ZCWPW2: variants seen among roughly 807,000 people sequenced by gnomAD.
The protein encoded by ZCWPW2 is zinc finger CW-type and PWWP domain containing 2.
ZCWPW2 carries 45 observed loss-of-function variants against 46.6 expected under a neutral mutation model. The observed-to-expected ratio is 0.96, with a 90% CI of 0.76 to 1.24. The LOEUF (loss-of-function observed/expected upper bound fraction) is 1.24, where lower values mean the gene tolerates loss of function less well. Ranked by LOEUF, ZCWPW2 falls within the 50% of genes most tolerant of loss-of-function variation. ZCWPW2 has a pLI of 0.00. For synonymous variants in ZCWPW2, 152 were observed against 137.1 expected, an observed-to-expected ratio of 1.11 and a Z score of -0.76; for missense variants, 429 against 403.9, an observed-to-expected ratio of 1.06 and a Z score of -0.53.
chr3:28,375,758 A>C (rs1459096692), intron 1 of ZCWPW2, among the ~76,000 whole-genome samples: 2 of 146,348 alleles, frequency 1.4e-5, no homozygotes, highest in Non-Finnish European at 3.0e-5. Context: ...TTTTGTGCTC[A>C]TTAACTGTCC....
At chr3:28,373,659 A>G (rs1175889385) in intron 1 of ZCWPW2, among the ~76,000 whole-genome samples, 1 of 151,990 alleles carries the variant, frequency 6.6e-6, no homozygotes, top group Non-Finnish European at 1.5e-5. Context: ...TATTTTTGGT[A>G]GAGATGGGGT....
intron 5 of ZCWPW2, among the ~76,000 whole-genome samples, chr3:28,485,845 CCTTTTT>C (rs1699581967): frequency 6.6e-6 from 1 of 151,820 alleles, no homozygotes; most frequent in Non-Finnish European, 1.5e-5. Context: ...TATTTATTGC[CCTTTTT>C]CTTTGTTACT....
At chr3:28,387,908 T>A (rs1559483448) in intron 1 of ZCWPW2, among the ~76,000 whole-genome samples, 1 of 152,160 alleles carries the variant, frequency 6.6e-6, no homozygotes, top group Non-Finnish European at 1.5e-5. Context: ...CTTACCTTCT[T>A]CATTAGTCAG....
In ZCWPW2 at chr3:28,364,400, A is replaced by G. The variant is rs376240216; in HGVS notation, c.-134+15197A>G. 2.7e-3 allele frequency among the ~76,000 whole-genome samples: 405 copies of G among 152,200 alleles called. 2 individuals are homozygous for G. The highest frequency in any genetic ancestry group is 9.2e-3 in the African/African-American group (383 of 41,556). The stretch of plus-strand genomic sequence containing the variant: ...TGCCCATTCCATATTTTTACATTGC[A>G]AATTGTGCTGCTATAAACATACGTG... On this transcript the variant is annotated intron_variant, in intron 1 of 9. Coordinates refer to ENST00000383768, the MANE Select transcript of ZCWPW2 (RefSeq NM_001040432.4).
At chr3:28,517,074 T>G (rs1700593199) in intron 8 of ZCWPW2, among the ~76,000 whole-genome samples, 1 of 152,220 alleles carries the variant, frequency 6.6e-6, no homozygotes, top group African/African-American at 2.4e-5. Context: ...TTTTAGACTC[T>G]AACACCTTTC....
chr3:28,514,998 C>G (rs766274059), intron 7 of ZCWPW2, among the ~76,000 whole-genome samples: 2 of 152,244 alleles, frequency 1.3e-5, no homozygotes, highest in Non-Finnish European at 2.9e-5. Flanking sequence ...GTAACCCTAT[C>G]AAATTGTTAG....
intron 4 of ZCWPW2, among the ~76,000 whole-genome samples, chr3:28,446,278 A>G (rs1263886108): frequency 6.6e-6 from 1 of 152,160 alleles, no homozygotes; most frequent in Non-Finnish European, 1.5e-5. Flanking sequence ...GATGGACTAC[A>G]AATTATGTCT....
intron 9 of ZCWPW2, among the ~76,000 whole-genome samples, chr3:28,521,928 T>C (rs1370283009): frequency 6.6e-6 from 1 of 152,202 alleles, no homozygotes; most frequent in Non-Finnish European, 1.5e-5. Context: ...TAATCCTGTG[T>C]CCCAATCCTG....
At chr3:28,500,691 T>C (rs1054688217) in intron 6 of ZCWPW2, among the ~76,000 whole-genome samples, 12 of 152,306 alleles carry the variant, frequency 7.9e-5, no homozygotes, top group Admixed American at 3.3e-4. Context: ...GTTGCTTACA[T>C]TTTATGACTA....
At chr3:28,403,584 C>A (rs1443474383) in intron 2 of ZCWPW2, among the ~76,000 whole-genome samples, 1 of 151,964 alleles carries the variant, frequency 6.6e-6, no homozygotes, top group Non-Finnish European at 1.5e-5. Context: ...CCCACATAGC[C>A]AAAGCAAGAC....
At chr3:28,412,908 C>T (rs1198168272) in intron 2 of ZCWPW2, 148 bp from the exon 3 acceptor site, 9 of 542,380 alleles carry the variant, frequency 1.7e-5, no homozygotes, top group East Asian at 1.5e-4. Context: ...GTGGAAACAA[C>T]GTGTTCAACA....
intron 2 of ZCWPW2, among the ~76,000 whole-genome samples, chr3:28,403,784 A>G (rs562264206): frequency 6.6e-6 from 1 of 152,234 alleles, no homozygotes; most frequent in Non-Finnish European, 1.5e-5. Context: ...AAAAAAACAT[A>G]AAGTGAGGAA....
chr3:28,507,197 C>T (rs918691380), intron 6 of ZCWPW2, among the ~76,000 whole-genome samples: 1 of 152,154 alleles, frequency 6.6e-6, no homozygotes, highest in Non-Finnish European at 1.5e-5. Context: ...TTGGTAAATA[C>T]TGACTTGTTC....
intron 6 of ZCWPW2, among the ~76,000 whole-genome samples, chr3:28,507,983 T>C (rs1268556525): frequency 1.3e-5 from 2 of 152,124 alleles, no homozygotes; most frequent in African/African-American, 4.8e-5. Context: ...AAAGGAATAC[T>C]GGGTAATTAA....
At chr3:28,456,352 G>C (rs1412120462) in intron 4 of ZCWPW2, among the ~76,000 whole-genome samples, 1 of 152,168 alleles carries the variant, frequency 6.6e-6, no homozygotes, top group East Asian at 1.9e-4. Flanking sequence ...TGTTGAAGTT[G>C]CTTATCAGCT....
intron 4 of ZCWPW2, chr3:28,461,728 C>T (rs1032667758): frequency 4.6e-5 from 7 of 151,510 alleles, no homozygotes; most frequent in Non-Finnish European, 7.4e-5. Context: ...AAATTGAATG[C>T]CCTCATAAAA....
chr3:28,430,614 G>C (rs772156113), intron 3 of ZCWPW2, among the ~76,000 whole-genome samples: 25 of 152,124 alleles, frequency 1.6e-4, no homozygotes, highest in Admixed American at 5.9e-4. Flanking sequence ...AGAATGATAT[G>C]GTTTGGCTCT....
chr3:28,474,159 C>T (rs1336986869), intron 4 of ZCWPW2, among the ~76,000 whole-genome samples: 1 of 151,992 alleles, frequency 6.6e-6, no homozygotes, highest in Non-Finnish European at 1.5e-5. Flanking sequence ...CTACTATGTA[C>T]CTACAAAAAT....
chr3:28,474,625 G>T (rs953601695), intron 4 of ZCWPW2, among the ~76,000 whole-genome samples: 1 of 149,012 alleles, frequency 6.7e-6, no homozygotes, highest in Non-Finnish European at 1.5e-5. Flanking sequence ...GTGTGTGCGC[G>T]CGCGCGCGCG....
Sources: allele counts gnomAD v4.1 joint callset (sites outside exome capture counted in the v4.1 genomes callset), GRCh38; gene constraint gnomAD v4.1.1; transcripts MANE v1.5; gene names NCBI Gene and HGNC (gene_info 2026-07-23, HGNC 2026-07-21).